PALM2AKAP2: variants seen among roughly 807,000 people sequenced by gnomAD.
The protein encoded by PALM2AKAP2 is PALM2 and AKAP2 fusion.
Under a neutral mutation model 71.5 loss-of-function variants are expected in PALM2AKAP2, and 37 were observed. The observed-to-expected ratio is 0.52, with a 90% CI of 0.40 to 0.68. The LOEUF (loss-of-function observed/expected upper bound fraction) is 0.68. Among genes scored for constraint, PALM2AKAP2 ranks in the 30% least tolerant of loss-of-function variants. The pLI, the probability that PALM2AKAP2 is intolerant of heterozygous loss-of-function variation, is 0.00. For missense variants in PALM2AKAP2, 1,224 were observed against 1,191.8 expected (o/e 1.03, Z -0.40); for synonymous variants, 468 against 478.8 (o/e 0.98, Z 0.29).
chr9:110,159,777 A>C lies in PALM2AKAP2; in HGVS notation c.2748+3280A>C, dbSNP rs147168469. Among the ~76,000 whole-genome samples the C allele has an allele frequency of 3.8e-3, 576 of 152,272 alleles. 4 individuals are homozygous for C. The highest frequency in any genetic ancestry group is 0.013 in the African/African-American group (532 of 41,550). ...TGGTGGCCTCTGGGGTCCTGTCCAC[A>C]GGGACTCAGCTCAGGGCCCTGCTCT... is the stretch of plus-strand genomic sequence containing the variant. On this transcript the variant is annotated intron_variant, in intron 3 of 3. Coordinates refer to ENST00000374525, the Ensembl canonical transcript of PALM2AKAP2.
At chr9:109,776,426 G>A (rs1829349280), upstream of PALM2AKAP2, among the ~76,000 whole-genome samples, 1 of 152,220 alleles carries the variant, frequency 6.6e-6, no homozygotes, top group Non-Finnish European at 1.5e-5. Flanking sequence ...AATTGTATTA[G>A]ATAGCTCACA....
intron 1 of PALM2AKAP2, among the ~76,000 whole-genome samples, chr9:109,735,748 A>T (rs571593169): frequency 6.6e-6 from 1 of 152,316 alleles, no homozygotes; most frequent in East Asian, 1.9e-4. Context: ...GATGTTTGTT[A>T]GTTTTGTCCC....
intron 7 of PALM2AKAP2, among the ~76,000 whole-genome samples, chr9:110,035,615 TATAACATATATA>T: frequency 7.2e-6 from 1 of 137,992 alleles, no homozygotes; most frequent in East Asian, 2.1e-4. Flanking sequence ...GTGTGTTATA[TATAACATATATA>T]GGATATGTTG....
At chr9:110,025,399 C>G in intron 7 of PALM2AKAP2, 1 of 670,354 alleles carries the variant, frequency 1.5e-6, no homozygotes. Context: ...GCCCGAAAGG[C>G]TTTTTTTTTT....
intron 1 of PALM2AKAP2, among the ~76,000 whole-genome samples, chr9:109,766,448 G>A (rs1364283139): frequency 6.6e-6 from 1 of 152,170 alleles, no homozygotes; most frequent in African/African-American, 2.4e-5. Context: ...AATTCTCAAA[G>A]GTTGGCTCTG....
intron 1 of PALM2AKAP2, among the ~76,000 whole-genome samples, chr9:110,073,602 T>C (rs981269195): frequency 6.6e-6 from 1 of 152,196 alleles, no homozygotes; most frequent in Admixed American, 6.5e-5. Flanking sequence ...GTCATATTTA[T>C]TTTTCAAAGT....
At chr9:110,145,365 T>G (rs548392072) in intron 2 of PALM2AKAP2, among the ~76,000 whole-genome samples, 5 of 152,214 alleles carry the variant, frequency 3.3e-5, no homozygotes, top group African/African-American at 1.2e-4. Flanking sequence ...GCTGCTCTTG[T>G]GAGTTCTTTT....
At chr9:109,702,500 C>A (rs1564118515) in intron 1 of PALM2AKAP2, among the ~76,000 whole-genome samples, 1 of 151,698 alleles carries the variant, frequency 6.6e-6, no homozygotes, top group Non-Finnish European at 1.5e-5. Context: ...GGACAAAAAA[C>A]CAAACACCAC....
chr9:109,991,950 C>T (rs1009813923), intron 6 of PALM2AKAP2, among the ~76,000 whole-genome samples: 1 of 152,206 alleles, frequency 6.6e-6, no homozygotes, highest in African/African-American at 2.4e-5. Context: ...TCGAGAAGAA[C>T]ATTCTGACCT....
chr9:109,812,182 T>C (rs889312843), intron 1 of PALM2AKAP2, among the ~76,000 whole-genome samples: 11 of 152,132 alleles, frequency 7.2e-5, no homozygotes, highest in African/African-American at 2.7e-4. Flanking sequence ...GAAAGGAGAA[T>C]TGGCAGGAGT....
chr9:110,052,445 G>A (rs921486753), intron 1 of PALM2AKAP2, among the ~76,000 whole-genome samples: 1 of 152,122 alleles, frequency 6.6e-6, no homozygotes, highest in Non-Finnish European at 1.5e-5. Context: ...TAAGACTACT[G>A]TTCACAATTT....
At chr9:109,796,412 T>C (rs752371781) in intron 1 of PALM2AKAP2, among the ~76,000 whole-genome samples, 9 of 152,372 alleles carry the variant, frequency 5.9e-5, no homozygotes, top group Middle Eastern at 3.4e-3. Flanking sequence ...GCAGTTCTAA[T>C]ACTTACTCTA....
chr9:109,829,996 G>A, intron 1 of PALM2AKAP2, among the ~76,000 whole-genome samples: 1 of 152,160 alleles, frequency 6.6e-6, no homozygotes, highest in Non-Finnish European at 1.5e-5. Context: ...TATGAGGTGG[G>A]AGATGCATGA....
chr9:109,976,914 A>T (rs547039140), intron 6 of PALM2AKAP2, among the ~76,000 whole-genome samples: 30 of 152,286 alleles, frequency 2.0e-4, no homozygotes, highest in Non-Finnish European at 7.4e-5. Flanking sequence ...GGCACTGCTC[A>T]TCTTGTAGTC....
rs181369689 is a variant in PALM2AKAP2, at chr9:110,091,501, C to T, written c.156+42646C>T. Among the ~76,000 whole-genome samples the T allele has an allele frequency of 2.2e-3, 259 of 117,428 alleles. 2 individuals are homozygous for T. The highest frequency in any genetic ancestry group is 8.5e-3 in the African/African-American group (250 of 29,388). The allele number at this position is 117,428 out of a possible 152,430, so 77.0% of individuals were successfully genotyped here. ...TTTTTGAGACAGAGTCTTGCTCTGT[C>T]GCCCAGGCTGGGGTGCAGTAGCACG... On this transcript the variant is annotated intron_variant, in intron 1 of 3. Coordinates refer to ENST00000374525, the Ensembl canonical transcript of PALM2AKAP2.
chr9:109,872,391 C>T (rs922594595), intron 2 of PALM2AKAP2, among the ~76,000 whole-genome samples: 2 of 152,032 alleles, frequency 1.3e-5, no homozygotes, highest in African/African-American at 4.8e-5. Flanking sequence ...TTGGTCTGTT[C>T]AAAGTCCCAG....
intron 1 of PALM2AKAP2, among the ~76,000 whole-genome samples, chr9:110,074,759 T>C (rs537296647): frequency 6.6e-6 from 1 of 152,216 alleles, no homozygotes; most frequent in African/African-American, 2.4e-5. Flanking sequence ...TCCCAGCACA[T>C]TGGGAGGCTG....
intron 7 of PALM2AKAP2, among the ~76,000 whole-genome samples, chr9:110,042,310 C>T (rs1371744594): frequency 1.3e-5 from 2 of 152,142 alleles, no homozygotes; most frequent in Non-Finnish European, 2.9e-5. Context: ...CCTATAATCC[C>T]AGCTACTTGG....
chr9:110,013,751 A>G (rs1299527647), intron 6 of PALM2AKAP2, among the ~76,000 whole-genome samples: 1 of 152,254 alleles, frequency 6.6e-6, no homozygotes, highest in East Asian at 1.9e-4. Flanking sequence ...TTAAAAAGTA[A>G]CCAGTGTTAA....
Sources: gnomAD v4.1 joint callset for allele counts (sites outside exome capture counted in the v4.1 genomes callset) on GRCh38, gnomAD v4.1.1 for gene constraint, MANE v1.5 for transcripts, NCBI Gene and HGNC (gene_info 2026-07-23, HGNC 2026-07-21) for gene names.